GLOD4: variants seen among roughly 807,000 people sequenced by gnomAD.
GLOD4 encodes the protein glyoxalase domain-containing protein 4.
A neutral mutation model predicts 39.1 loss-of-function variants in GLOD4; 44 were observed. The observed-to-expected ratio is 1.13, with a 90% CI of 0.88 to 1.45. The LOEUF (loss-of-function observed/expected upper bound fraction) is 1.45. Ranked by LOEUF, GLOD4 falls within the 40% of genes most tolerant of loss-of-function variation. The probability of loss-of-function intolerance (pLI) is 0.00; values close to 1 mark genes in which losing one functional copy is unlikely to be tolerated. For missense variants in GLOD4, 405 were observed against 366.4 expected (o/e 1.11, Z -0.86); for synonymous variants, 145 against 135.0 (o/e 1.07, Z -0.52).
At chr17:763,775 T>A (rs1041701002) in intron 8 of GLOD4, 2 of 152,152 alleles carry the variant, frequency 1.3e-5, no homozygotes, top group African/African-American at 4.8e-5. Context: ...CTGAGTCTGA[T>A]ATGTGGTAGG....
chr17:777,234 A>G, intron 2 of GLOD4: 1 of 544,668 alleles, frequency 1.8e-6, no homozygotes, highest in Non-Finnish European at 3.3e-6. Flanking sequence ...CTGTAAAGCA[A>G]GGAACAGAAT....
chr17:784,771 G>A (rs1240876544), upstream of GLOD4, among the ~76,000 whole-genome samples: 1 of 152,146 alleles, frequency 6.6e-6, no homozygotes, highest in African/African-American at 2.4e-5. Flanking sequence ...CCGTATAGTG[G>A]GTTCTCATCA....
At chr17:774,389 C>T (rs1376117768) in intron 4 of GLOD4, among the ~76,000 whole-genome samples, 1 of 152,226 alleles carries the variant, frequency 6.6e-6, no homozygotes, top group African/African-American at 2.4e-5. Flanking sequence ...GTAAGGGAGT[C>T]GGCACAAGTG....
chr17:772,979 A>G (rs978936135), intron 4 of GLOD4, among the ~76,000 whole-genome samples: 2 of 151,576 alleles, frequency 1.3e-5, no homozygotes, highest in Non-Finnish European at 1.5e-5. Context: ...TGGGCGACAG[A>G]GCGAGACTCT....
intron 8 of GLOD4, chr17:763,854 A>G (rs1182313328): frequency 6.6e-6 from 1 of 152,214 alleles, no homozygotes; most frequent in African/African-American, 2.4e-5. Flanking sequence ...ATGTAAGAGA[A>G]AAAGTTCATA....
At position 763,944 on chromosome 17, in the gene GLOD4, G is replaced by C. The variant is rs1020021982; in HGVS notation, c.832-3706C>G. On this transcript the variant is annotated intron_variant, in intron 8 of 8. Transcript: ENST00000301329. Reference sequence around the variant, plus strand: ...CTGGGAAAAATACTTGAATTTGCAAGTGACGAAGGAATGATGAAAAACTAC... The same window carrying C: ...CTGGGAAAAATACTTGAATTTGCAACTGACGAAGGAATGATGAAAAACTAC... 3 of 152,184 alleles carry C rather than the reference G, an allele frequency of 2.0e-5. No individual in the cohort carries two copies. In the East Asian group the frequency reaches 5.8e-4, roughly 29 times the overall value. The allele number at this position is 152,184 out of a possible 1,614,324, so 9.4% of individuals were successfully genotyped here.
chr17:762,034 CAA>C (rs1491323863), intron 8 of GLOD4, among the ~76,000 whole-genome samples: 1 of 152,088 alleles, frequency 6.6e-6, no homozygotes, highest in East Asian at 1.9e-4. Context: ...ATCTCAGAGG[CAA>C]GAGAGAGCTA....
upstream of GLOD4, chr17:783,259 G>A (rs778754308): frequency 2.5e-6 from 4 of 1,613,822 alleles, no homozygotes; most frequent in African/African-American, 2.7e-5. Context: ...AAAGGTGTCA[G>A]CCTCATTAAG....
At position 771,447 on chromosome 17, in the gene GLOD4, CT is replaced by C; in HGVS notation, c.420del (p.Val141Ter). ...TGAAGATCAGACACTGCTAGAGTTA[CT>C]TTTAATACAGGATCTGTTGGGTAAT... Reference protein sequence around the residue: ...RSLPQSDPVLKVTLAVSDLQK... With the variant: ...RSLPQSDPVLXVTLAVSDLQK... On this transcript the variant is annotated frameshift_variant, in exon 5 of 9. Coordinates refer to ENST00000301329, the MANE Select transcript of GLOD4 (RefSeq NM_016080.4). LOFTEE classifies it high-confidence loss of function. The C allele has an allele frequency of 6.4e-7, 1 of 1,565,100 alleles. No homozygotes were observed. Among genetic ancestry groups the C allele is most frequent in the Non-Finnish European group, 8.7e-7 (1 of 1,146,168 alleles).
At chr17:765,224 C>A (rs1473522695) in intron 8 of GLOD4, 1 of 150,786 alleles carries the variant, frequency 6.6e-6, no homozygotes, top group Admixed American at 6.8e-5. Flanking sequence ...GGTCTGTATT[C>A]TGAGTAGTGG....
intron 1 of GLOD4, 92 bp from the exon 2 acceptor site, chr17:778,836 T>C (rs373694899): frequency 2.8e-6 from 2 of 705,322 alleles, no homozygotes; most frequent in Non-Finnish European, 5.0e-6. Context: ...ACAAACATTA[T>C]CATTTATAAG....
chr17:773,820 C>A (rs538539790), intron 4 of GLOD4, among the ~76,000 whole-genome samples: 21 of 152,234 alleles, frequency 1.4e-4, no homozygotes, highest in Admixed American at 1.3e-3. Context: ...CAACAAATCC[C>A]AGTTGACTTG....
At chr17:772,045 C>T (rs1436689531) in intron 4 of GLOD4, among the ~76,000 whole-genome samples, 10 of 133,000 alleles carry the variant, frequency 7.5e-5, no homozygotes, top group Non-Finnish European at 1.1e-4. Flanking sequence ...AAAGATTAGA[C>T]AGGCGTGGTG....
chr17:783,600 G>GA, upstream of GLOD4: 1 of 310,232 alleles, frequency 3.2e-6, no homozygotes, highest in South Asian at 3.4e-5. Flanking sequence ...GCCTCCCAAA[G>GA]TGCTGGGATT....
chr17:779,207 C>T (rs1281863460), intron 1 of GLOD4, among the ~76,000 whole-genome samples: 1 of 150,404 alleles, frequency 6.6e-6, no homozygotes, highest in Non-Finnish European at 1.5e-5. Flanking sequence ...CCCAGCTACT[C>T]AGGAGGTTGA....
intron 8 of GLOD4, among the ~76,000 whole-genome samples, chr17:765,865 A>G (rs995550294): frequency 1.3e-5 from 2 of 151,874 alleles, no homozygotes; most frequent in Non-Finnish European, 2.9e-5. Flanking sequence ...CTGAGGCAAG[A>G]GAACTGCTTG....
At chr17:783,143 G>T, upstream of GLOD4, 1 of 1,614,108 alleles carries the variant, frequency 6.2e-7, no homozygotes, top group Non-Finnish European at 8.5e-7. Context: ...AGATCCTGCT[G>T]GAAGGTCGCA....
At chr17:767,820 T>C (rs1239432388) in intron 8 of GLOD4, among the ~76,000 whole-genome samples, 5 of 123,442 alleles carry the variant, frequency 4.1e-5, no homozygotes, top group African/African-American at 1.6e-4. Flanking sequence ...TTAGAAGAAA[T>C]CTGGAGAGTA....
At chr17:771,574 A>T in intron 4 of GLOD4, 113 bp from the exon 5 acceptor site, 1 of 631,382 alleles carries the variant, frequency 1.6e-6, no homozygotes, top group Non-Finnish European at 2.6e-6. Context: ...AAGGGATTTT[A>T]AGCCAGTATG....
Sources: gnomAD v4.1 joint callset for allele counts (sites outside exome capture counted in the v4.1 genomes callset) on GRCh38, gnomAD v4.1.1 for gene constraint, MANE v1.5 for transcripts, NCBI Gene and HGNC (gene_info 2026-07-23, HGNC 2026-07-21) for gene names.